Variants in SETMAR observed in about 807,000 individuals in gnomAD.
The protein encoded by SETMAR is SET and mariner transposase domain methyltransferase.
In SETMAR, 44 loss-of-function variants were observed where a neutral mutation model predicts 58.4. That is an observed-to-expected ratio of 0.75 (90% CI 0.59 to 0.97). The LOEUF (loss-of-function observed/expected upper bound fraction) is 0.97. SETMAR is among the 50% of genes least tolerant of loss of function. SETMAR has a pLI of 0.00. For missense variants in SETMAR, 903 were observed against 840.2 expected, an observed-to-expected ratio of 1.07 and a Z score of -0.92; for synonymous variants, 332 against 307.4, an observed-to-expected ratio of 1.08 and a Z score of -0.84.
intron 2 of SETMAR, among the ~76,000 whole-genome samples, chr3:4,315,128 T>C (rs1475517582): frequency 2.6e-5 from 4 of 152,120 alleles, no homozygotes; most frequent in Non-Finnish European, 4.4e-5. Context: ...AAATTACAAA[T>C]ACATAGTATC....
chr3:4,313,830 C>A, intron 2 of SETMAR, 69 bp downstream of exon 2: 1 of 1,598,038 alleles, frequency 6.3e-7, no homozygotes, highest in Non-Finnish European at 8.5e-7. Flanking sequence ...CTAGCTTTAC[C>A]TCTGCCTAGT....
intron 2 of SETMAR, 155 bp downstream of exon 2, chr3:4,313,916 AT>A: frequency 7.4e-7 from 1 of 1,350,980 alleles, no homozygotes; most frequent in Non-Finnish European, 9.9e-7. Flanking sequence ...CTGTAATAGA[AT>A]TCTCCATTTA....
intron 2 of SETMAR, chr3:4,314,467 C>G (rs1174518558): frequency 6.6e-6 from 1 of 152,202 alleles, no homozygotes; most frequent in African/African-American, 2.4e-5. Flanking sequence ...TAACTATCAC[C>G]TGCTAAAACC....
chr3:4,305,189 G>T (rs1698141586), intron 1 of SETMAR, among the ~76,000 whole-genome samples: 1 of 152,078 alleles, frequency 6.6e-6, no homozygotes, highest in African/African-American at 2.4e-5. Flanking sequence ...AGGTTCAAGC[G>T]ATTCTTCCAC....
Position 4,313,693 on chromosome 3 carries a change from G to C in SETMAR, c.952G>C (p.Glu318Gln). Residue 318 changes from glutamate (E) to glutamine (Q), a missense_variant, in exon 2 of 3, where the codon GAG (glutamate) becomes CAG (glutamine). Glu to Gln is a conservative substitution (Grantham distance 29). Coordinates refer to ENST00000358065, the MANE Select transcript of SETMAR (RefSeq NM_006515.4). ...AAAGTCGAACATCAGTTGTGGAAATGAGAAGGAACCCAGCATGTGTGGCTC... is the reference window on the plus strand; with the variant it reads ...AAAGTCGAACATCAGTTGTGGAAATCAGAAGGAACCCAGCATGTGTGGCTC... ...VEKSNISCGN[E>Q]KEPSMCGSAP... 6.2e-7 allele frequency: 1 copy of C among 1,614,042 alleles called. No homozygotes were observed. Among genetic ancestry groups the C allele is most frequent in the Non-Finnish European group, 8.5e-7 (1 of 1,179,974 alleles).
chr3:4,315,385 A>G (rs563295425), intron 2 of SETMAR, among the ~76,000 whole-genome samples: 8 of 152,298 alleles, frequency 5.3e-5, no homozygotes, highest in African/African-American at 1.9e-4. Context: ...TTGCCTTTCT[A>G]TATTGAACAG....
intron 1 of SETMAR, among the ~76,000 whole-genome samples, chr3:4,304,280 T>C (rs186259995): frequency 6.6e-6 from 1 of 152,166 alleles, no homozygotes; most frequent in Non-Finnish European, 1.5e-5. Flanking sequence ...TAGCTGGGAT[T>C]ACAGGCATGG....
chr3:4,307,868 A>AC (rs1300194001), intron 1 of SETMAR, among the ~76,000 whole-genome samples: 1 of 152,096 alleles, frequency 6.6e-6, no homozygotes, highest in African/African-American at 2.4e-5. Flanking sequence ...ACAAAGTGAG[A>AC]CCCCATCTCT....
chr3:4,316,467 C>A lies in SETMAR; in HGVS notation c.1276C>A (p.Leu426Ile), dbSNP rs1159299184. 2.5e-6 allele frequency: 4 copies of A among 1,604,558 alleles called. No individual in the cohort carries two copies. Among genetic ancestry groups the A allele is most frequent in the Non-Finnish European group, 3.4e-6 (4 of 1,175,742 alleles). ...QLRAIIEADP[L>I]TTTREVAEEL... The stretch of plus-strand genomic sequence containing the variant: ...GAGAGCAATCATCGAAGCTGATCCC[C>A]TTACAACTACACGAGAAGTTGCTGA... Residue 426 changes from leucine (L) to isoleucine (I), a missense_variant, in exon 3 of 3, where the codon CTT (leucine) becomes ATT (isoleucine). Physicochemically the swap from Leu to Ile is conservative, Grantham distance 5 (BLOSUM62 2). Coordinates refer to ENST00000358065, the MANE Select transcript of SETMAR (RefSeq NM_006515.4).
chr3:4,304,884 T>C (rs1698122718), intron 1 of SETMAR, among the ~76,000 whole-genome samples: 2 of 151,914 alleles, frequency 1.3e-5, no homozygotes, highest in African/African-American at 2.4e-5. Context: ...AGCCTGGTTT[T>C]ATACATGTTT....
chr3:4,310,854 A>C (rs897852413), intron 1 of SETMAR, among the ~76,000 whole-genome samples: 5 of 152,212 alleles, frequency 3.3e-5, no homozygotes, highest in African/African-American at 1.2e-4. Context: ...TCAACTTAAA[A>C]GTTTAACATG....
chr3:4,315,983 G>A (rs911047966), intron 2 of SETMAR, among the ~76,000 whole-genome samples: 2 of 149,042 alleles, frequency 1.3e-5, no homozygotes, highest in African/African-American at 2.5e-5. Context: ...GGAGGCAGAG[G>A]TTGCAGTGAG....
At chr3:4,314,121 G>T in intron 2 of SETMAR, 1 of 303,316 alleles carries the variant, frequency 3.3e-6, no homozygotes, top group Non-Finnish European at 6.1e-6. Context: ...CTAGACCCCA[G>T]GATGACCCTG....
At position 4,303,379 on chromosome 3, in the gene SETMAR, G is replaced by A. The variant is rs1698027388; in HGVS notation, c.9G>A (p.Ala3=). 2 of 1,550,566 alleles carry A rather than the reference G, an allele frequency of 1.3e-6. No individual in the cohort carries two copies. Among genetic ancestry groups the A allele is most frequent in the Non-Finnish European group, 8.7e-7 (1 of 1,152,458 alleles). ...TTGCGTGAGGCGGGTAAATGTTCGC[G>A]GAAGCGGCAAAGACGACACGGCCTT... MF[A]EAAKTTRPCG... The change falls in exon 1 of 3, where the codon GCG becomes GCA. Residue 3 remains alanine (A), a synonymous_variant. Transcript: ENST00000358065.
chr3:4,309,488 A>G (rs953887010), intron 1 of SETMAR, among the ~76,000 whole-genome samples: 1 of 152,178 alleles, frequency 6.6e-6, no homozygotes, highest in Admixed American at 6.5e-5. Flanking sequence ...ATTTGTTTGC[A>G]AGAAACATAA....
In SETMAR at chr3:4,316,706, G is replaced by T. The variant is rs1031562015; in HGVS notation, c.1515G>T (p.Arg505=). The T allele has an allele frequency of 3.2e-6, 5 of 1,550,876 alleles. No individual in the cohort carries two copies. Among genetic ancestry groups the T allele is most frequent in the Middle Eastern group, 1.7e-4 (1 of 6,008 alleles). The change falls in exon 3 of 3, where the codon CGG becomes CGT. Residue 505 remains arginine (R), a synonymous_variant. Coordinates refer to ENST00000358065, the MANE Select transcript of SETMAR (RefSeq NM_006515.4). ...AAAAGTGGATTTTATATGACAACCG[G>T]CGACGATCAGCTCAGTGGTTGGATC... is the stretch of plus-strand genomic sequence containing the variant. ...CDEKWILYDN[R]RRSAQWLDQE...
intron 1 of SETMAR, among the ~76,000 whole-genome samples, chr3:4,312,157 G>T (rs1010348458): frequency 6.6e-6 from 1 of 151,786 alleles, no homozygotes; most frequent in Admixed American, 6.6e-5. Flanking sequence ...AGCATTTTTG[G>T]AATTCTGTGT....
intron 1 of SETMAR, among the ~76,000 whole-genome samples, chr3:4,309,845 T>G (rs1698334494): frequency 6.6e-6 from 1 of 152,334 alleles, no homozygotes; most frequent in African/African-American, 2.4e-5. Context: ...CAGATACAAT[T>G]ATACTTCAGA....
intron 2 of SETMAR, among the ~76,000 whole-genome samples, 162 bp from the exon 3 acceptor site, chr3:4,316,046 CAAAA>C (rs774059331): frequency 1.7e-4 from 13 of 76,876 alleles, no homozygotes; most frequent in Admixed American, 7.3e-4. Flanking sequence ...GACTCTGTCT[CAAAA>C]AAAAAAAAAA....
Sources: allele counts gnomAD v4.1 joint callset (sites outside exome capture counted in the v4.1 genomes callset), GRCh38; gene constraint gnomAD v4.1.1; transcripts MANE v1.5; gene names NCBI Gene and HGNC (gene_info 2026-07-23, HGNC 2026-07-21).